SLC22A4: variants seen among roughly 807,000 people sequenced by gnomAD.
The protein encoded by SLC22A4 is solute carrier family 22 member 4, also known as ET transporter.
Under a neutral mutation model 56.6 loss-of-function variants are expected in SLC22A4, and 39 were observed. The ratio of observed to expected loss-of-function variants is 0.69; its 90% CI spans 0.53 to 0.90. The LOEUF (loss-of-function observed/expected upper bound fraction) is 0.90. Ranked by LOEUF, SLC22A4 falls within the 40% of genes least tolerant of loss-of-function variation. The pLI is 0.00. For synonymous variants in SLC22A4, 241 were observed against 281.4 expected, an observed-to-expected ratio of 0.86 and a Z score of 1.44; for missense variants, 594 against 696.5, an observed-to-expected ratio of 0.85 and a Z score of 1.66.
chr5:132,311,726 A>G (rs1274905170), intron 1 of SLC22A4: 3 of 203,238 alleles, frequency 1.5e-5, no homozygotes, highest in Admixed American at 5.3e-5. Flanking sequence ...TTACGCCTGG[A>G]CCAAGTGGCC....
At chr5:132,328,615 T>A (rs76566054) in intron 5 of SLC22A4, among the ~76,000 whole-genome samples, 4,124 of 151,966 alleles carry the variant, frequency 0.027, 129 homozygotes, top group African/African-American at 0.077. Flanking sequence ...ATTGGGAGTG[T>A]CTAACACTTC....
intron 3 of SLC22A4, among the ~76,000 whole-genome samples, chr5:132,317,974 T>TG (rs2126717518): frequency 6.6e-6 from 1 of 152,368 alleles, no homozygotes; most frequent in South Asian, 2.1e-4. Flanking sequence ...AACTTACTCC[T>TG]GTCTATTCAC....
At chr5:132,337,574 GCCTA>G (rs3991391) in intron 8 of SLC22A4, among the ~76,000 whole-genome samples, 90,081 of 151,124 alleles carry the variant, frequency 0.6, 27,381 homozygotes, top group African/African-American at 0.65. Flanking sequence ...ACAGCACCTG[GCCTA>G]CCTAATTTTT....
At chr5:132,323,696 T>TATC (rs929782425) in intron 4 of SLC22A4, among the ~76,000 whole-genome samples, 9 of 152,162 alleles carry the variant, frequency 5.9e-5, no homozygotes, top group Non-Finnish European at 1.2e-4. Flanking sequence ...TGAGAGTAAT[T>TATC]ATCATCATCA....
intron 1 of SLC22A4, among the ~76,000 whole-genome samples, chr5:132,297,945 C>T (rs900400030): frequency 6.6e-6 from 1 of 152,114 alleles, no homozygotes. Context: ...AAGACCCCAC[C>T]TCTAAAAAAG....
chr5:132,311,355 CCCTT>C (rs1318446223), intron 1 of SLC22A4: 1 of 152,226 alleles, frequency 6.6e-6, no homozygotes, highest in Non-Finnish European at 1.5e-5. Context: ...TTTGTCACCT[CCCTT>C]GAGATGTTGC....
chr5:132,307,822 A>G (rs1315567203), intron 1 of SLC22A4, among the ~76,000 whole-genome samples: 2 of 152,068 alleles, frequency 1.3e-5, no homozygotes, highest in African/African-American at 4.8e-5. Context: ...AGTTCCGTGC[A>G]GGTCAGACGG....
Position 132,343,853 on chromosome 5 carries a change from T to A in SLC22A4, c.*18T>A. 6.6e-7 allele frequency: 1 copy of A among 1,518,642 alleles called. No homozygotes were observed. Among genetic ancestry groups the A allele is most frequent in the Non-Finnish European group, 9.1e-7 (1 of 1,096,590 alleles). 94.1% of individuals were successfully genotyped at this position (1,518,642 alleles called of 1,614,324 possible). On this transcript the variant is annotated 3_prime_UTR_variant, in exon 10 of 10. Coordinates refer to ENST00000200652, the MANE Select transcript of SLC22A4 (RefSeq NM_003059.3). ...CATTCTGAAAAAATATCTACCCCAT[T>A]TGGTGAAGTGAAAAACAGAAAAATA...
In SLC22A4 at chr5:132,318,726, C is replaced by T. The variant is rs530222436; in HGVS notation, c.653-3458C>T. 3.9e-5 allele frequency among the ~76,000 whole-genome samples: 6 copies of T among 152,272 alleles called. No homozygotes were observed. In the South Asian group the frequency reaches 1.2e-3, roughly 32 times the overall value. ...TCCTAGGGCTATGCTGGCCCTCATC[C>T]TAGCCAGGTCATGTCCCTTTGGCTT... is the stretch of plus-strand genomic sequence containing the variant. On this transcript the variant is annotated intron_variant, in intron 3 of 9. Transcript: ENST00000200652.
chr5:132,309,022 C>A (rs1282621199), intron 1 of SLC22A4, among the ~76,000 whole-genome samples: 1 of 152,226 alleles, frequency 6.6e-6, no homozygotes, highest in African/African-American at 2.4e-5. Flanking sequence ...TCCCACTGGG[C>A]CCGCCATGTC....
chr5:132,313,844 CA>C, intron 3 of SLC22A4, 76 bp downstream of exon 3: 1 of 1,451,904 alleles, frequency 6.9e-7, no homozygotes, highest in Non-Finnish European at 9.6e-7. Context: ...ATCATTGGGC[CA>C]TTGGGCTGTG....
chr5:132,300,389 A>C (rs1250402319), intron 1 of SLC22A4, among the ~76,000 whole-genome samples: 1 of 152,226 alleles, frequency 6.6e-6, no homozygotes, highest in Non-Finnish European at 1.5e-5. Context: ...TCAAATTTTT[A>C]TTCACTGATT....
chr5:132,306,540 GGCTCAAGCAACTCTC>G (rs2126705291), intron 1 of SLC22A4, among the ~76,000 whole-genome samples: 1 of 148,816 alleles, frequency 6.7e-6, no homozygotes, highest in South Asian at 2.2e-4. Context: ...TCCACCTCCA[GGCTCAAGCAACTCTC>G]CTGCCTCAGT....
chr5:132,336,265 T>C (rs527399066), intron 8 of SLC22A4, among the ~76,000 whole-genome samples: 1 of 152,322 alleles, frequency 6.6e-6, no homozygotes, highest in Non-Finnish European at 1.5e-5. Flanking sequence ...GGCTCATGCA[T>C]GTAATCCCAG....
chr5:132,335,780 C>A, intron 7 of SLC22A4, 38 bp from the exon 8 acceptor site: 1 of 1,550,234 alleles, frequency 6.5e-7, no homozygotes, highest in Non-Finnish European at 8.9e-7. Context: ...AGTATCACTT[C>A]TAAAAGCACC....
At chr5:132,306,560 C>G (rs1750045661) in intron 1 of SLC22A4, among the ~76,000 whole-genome samples, 1 of 150,200 alleles carries the variant, frequency 6.7e-6, no homozygotes. Flanking sequence ...ACTCTCCTGC[C>G]TCAGTCTCCC....
At chr5:132,332,161 A>G (rs1043419035) in intron 6 of SLC22A4, 6 of 341,988 alleles carry the variant, frequency 1.8e-5, no homozygotes, top group Admixed American at 7.8e-5. Flanking sequence ...TAAAAATACA[A>G]AAATTACCTG....
intron 3 of SLC22A4, among the ~76,000 whole-genome samples, chr5:132,317,254 G>A (rs1311262200): frequency 6.6e-6 from 1 of 152,158 alleles, no homozygotes; most frequent in Non-Finnish European, 1.5e-5. Flanking sequence ...TAATTCAGTG[G>A]TGTTTAGCAT....
At chr5:132,296,998 C>A (rs1749794211) in intron 1 of SLC22A4, among the ~76,000 whole-genome samples, 1 of 152,150 alleles carries the variant, frequency 6.6e-6, no homozygotes, top group Non-Finnish European at 1.5e-5. Flanking sequence ...TCCTGGCTTC[C>A]TTTTTGAGTG....
Sources: allele counts gnomAD v4.1 joint callset (sites outside exome capture counted in the v4.1 genomes callset), GRCh38; gene constraint gnomAD v4.1.1; transcripts MANE v1.5; gene names NCBI Gene and HGNC (gene_info 2026-07-23, HGNC 2026-07-21).